DDX25: variants seen among roughly 807,000 people sequenced by gnomAD.
DDX25 encodes DEAD-box helicase 25.
Under a neutral mutation model 64.6 loss-of-function variants are expected in DDX25, and 70 were observed. The observed-to-expected ratio is 1.08, with a 90% CI of 0.89 to 1.32. The LOEUF (loss-of-function observed/expected upper bound fraction) is 1.32, where lower values mean the gene tolerates loss of function less well. Ranked by LOEUF, DDX25 falls within the 40% of genes most tolerant of loss-of-function variation. The probability of loss-of-function intolerance (pLI) is 0.00; values close to 1 mark genes in which losing one functional copy is unlikely to be tolerated. For synonymous variants in DDX25, 211 were observed against 213.3 expected (o/e 0.99, Z 0.09); for missense variants, 587 against 604.4 (o/e 0.97, Z 0.30).
intron 7 of DDX25, among the ~76,000 whole-genome samples, chr11:125,910,889 G>A (rs948398745): frequency 6.7e-6 from 1 of 148,766 alleles, no homozygotes; most frequent in African/African-American, 2.5e-5. Flanking sequence ...AGATCACATA[G>A]TAAACAGGCA....
chr11:125,912,124 T>C (rs1255947747), intron 8 of DDX25, among the ~76,000 whole-genome samples: 1 of 152,220 alleles, frequency 6.6e-6, no homozygotes, highest in African/African-American at 2.4e-5. Context: ...CAGTAACCCC[T>C]TGCTCCAACC....
intron 8 of DDX25, 120 bp from the exon 9 acceptor site, chr11:125,916,894 T>G (rs960043932): frequency 6.0e-5 from 56 of 937,276 alleles, no homozygotes; most frequent in Non-Finnish European, 8.6e-5. Flanking sequence ...AGCTGGTCAT[T>G]GCAGGCAGCA....
At chr11:125,904,675 G>C in intron 1 of DDX25, 95 bp downstream of exon 1, 2 of 1,337,942 alleles carry the variant, frequency 1.5e-6, no homozygotes, top group South Asian at 2.8e-5. Context: ...GCCCGCGAGC[G>C]TTCGAAGTGG....
At position 125,907,376 on chromosome 11, in the gene DDX25, A is replaced by G. The variant is rs184056076; in HGVS notation, c.312-820A>G. On this transcript the variant is annotated intron_variant, in intron 4 of 11. Coordinates refer to ENST00000263576, the MANE Select transcript of DDX25 (RefSeq NM_013264.5). ...GTAATCCCAGCACTTTGGGAGGCCA[A>G]GGGGGGCGGATCACGAGGTCAGGAG... Among the ~76,000 whole-genome samples, 226 of 152,226 alleles carry G rather than the reference A, an allele frequency of 1.5e-3. 1 individual carries two copies. The highest frequency in any genetic ancestry group is 5.3e-3 in the African/African-American group (221 of 41,552).
chr11:125,904,115 C>T (rs928956563), upstream of DDX25, among the ~76,000 whole-genome samples: 1 of 152,234 alleles, frequency 6.6e-6, no homozygotes, highest in Non-Finnish European at 1.5e-5. Flanking sequence ...GCGGAAATTT[C>T]CAGGGAAACC....
intron 7 of DDX25, among the ~76,000 whole-genome samples, 191 bp downstream of exon 7, chr11:125,910,669 A>C (rs1041241134): frequency 1.3e-5 from 2 of 152,188 alleles, no homozygotes; most frequent in Admixed American, 1.3e-4. Context: ...CGTAGTAAGG[A>C]CCCACTAAAT....
At position 125,906,183 on chromosome 11, in the gene DDX25, A is replaced by G. The variant is rs1217276493; in HGVS notation, c.285A>G (p.Ser95=). The G allele has an allele frequency of 4.5e-6, 7 of 1,545,962 alleles. No individual in the cohort carries two copies. The highest frequency in any genetic ancestry group is 2.8e-5 in the African/African-American group (2 of 72,714). Residue 95 remains serine, a synonymous_variant, in exon 4 of 12, where the codon TCA becomes TCG. Coordinates refer to ENST00000263576, the MANE Select transcript of DDX25 (RefSeq NM_013264.5). The stretch of plus-strand genomic sequence containing the variant: ...AGGATCCCAGCTCTCCACTTTACTC[A>G]GTAAAGACATTTGAAGAGCTGCGGC... ...LQKDPSSPLY[S]VKTFEELRLK...
At chr11:125,916,896 C>A (rs1945044713) in intron 8 of DDX25, 118 bp from the exon 9 acceptor site, 14 of 950,842 alleles carry the variant, frequency 1.5e-5, no homozygotes, top group Non-Finnish European at 2.1e-5. Context: ...CTGGTCATTG[C>A]AGGCAGCACC....
rs750968975 is a variant in DDX25 at position 125,918,830 on chromosome 11, A to G, written c.1201+40A>G. 35 of 1,523,546 alleles carry G rather than the reference A, an allele frequency of 2.3e-5. 1 individual carries two copies. In the Admixed American group the frequency reaches 4.1e-4, roughly 18 times the overall value. 94.4% of individuals were successfully genotyped at this position (1,523,546 alleles called of 1,614,324 possible). A position where few individuals can be genotyped will look rare whatever the true frequency, so the allele number is the denominator to read the frequency against. On this transcript the variant is annotated intron_variant, in intron 10 of 11. Coordinates refer to ENST00000263576, the MANE Select transcript of DDX25 (RefSeq NM_013264.5). ...TCAGGTCTTGAGTTCTAATTTGCATATGATAAAATGCATTCCTTTTAAGTG... is the reference window on the plus strand; with the variant it reads ...TCAGGTCTTGAGTTCTAATTTGCATGTGATAAAATGCATTCCTTTTAAGTG...
At chr11:125,910,965 A>G (rs529916148) in intron 7 of DDX25, among the ~76,000 whole-genome samples, 2 of 149,712 alleles carry the variant, frequency 1.3e-5, no homozygotes, top group South Asian at 4.2e-4. Context: ...CCATATTTAT[A>G]TTTGTTTTCA....
Position 125,923,921 on chromosome 11 carries a change from CAT to C in DDX25, c.*1041_*1042del, listed in dbSNP as rs1945143936. The C allele has an allele frequency of 6.6e-6, 1 of 152,160 alleles. No individual in the cohort carries two copies. The highest frequency in any genetic ancestry group is 1.5e-5 in the Non-Finnish European group (1 of 68,052). The allele number at this position is 152,160 out of a possible 1,614,324, so 9.4% of individuals were successfully genotyped here. On this transcript the variant is annotated 3_prime_UTR_variant, in exon 12 of 12. Coordinates refer to ENST00000263576, the MANE Select transcript of DDX25 (RefSeq NM_013264.5). ...CATATCTATTTTGATATCCCTCTTC[CAT>C]GTCACCCTGCCCATGTTTTCTCCCG... is the stretch of plus-strand genomic sequence containing the variant.
chr11:125,911,493 T>C lies in DDX25; in HGVS notation c.800+5T>C, dbSNP rs1363722786. 1.9e-6 allele frequency: 3 copies of C among 1,612,532 alleles called. No homozygotes were observed. The highest frequency in any genetic ancestry group is 2.5e-6 in the Non-Finnish European group (3 of 1,179,162). On this transcript the variant is annotated splice_donor_5th_base_variant and intron_variant, in intron 8 of 11. Coordinates refer to ENST00000263576, the MANE Select transcript of DDX25 (RefSeq NM_013264.5). ...TCATAGTATTCGTATTCAAAGGTAA[T>C]CTTCAGAGTCTTCCTCTCTTCCTCA...
At position 125,924,495 on chromosome 11, in the gene DDX25, C is replaced by T. The variant is rs184999077; in HGVS notation, c.*1614C>T. On this transcript the variant is annotated 3_prime_UTR_variant, in exon 12 of 12. Coordinates refer to ENST00000263576, the MANE Select transcript of DDX25 (RefSeq NM_013264.5). The stretch of plus-strand genomic sequence containing the variant: ...GGGACCCTAACACCATCTAGGCTGG[C>T]TCCCAGAGGAGAGGACACTCAGGAT... 3 of 152,406 alleles carry T rather than the reference C, an allele frequency of 2.0e-5. No individual in the cohort carries two copies. In the East Asian group the frequency reaches 5.8e-4, roughly 29 times the overall value. 9.4% of individuals were successfully genotyped at this position (152,406 alleles called of 1,614,324 possible). A position where few individuals can be genotyped will look rare whatever the true frequency, so the allele number is the denominator to read the frequency against.
chr11:125,917,735 A>G (rs1368070620), intron 9 of DDX25, among the ~76,000 whole-genome samples: 1 of 152,220 alleles, frequency 6.6e-6, no homozygotes, highest in African/African-American at 2.4e-5. Flanking sequence ...ACCAGCACCT[A>G]TCTGGCACAT....
At chr11:125,905,669 A>G in intron 3 of DDX25, 72 bp downstream of exon 3, 1 of 1,419,198 alleles carries the variant, frequency 7.0e-7, no homozygotes, top group Non-Finnish European at 9.7e-7. Context: ...AGTGTGAGTG[A>G]ATAATATAAT....
intron 8 of DDX25, among the ~76,000 whole-genome samples, chr11:125,915,207 A>G (rs959439019): frequency 1.3e-5 from 2 of 152,206 alleles, no homozygotes; most frequent in African/African-American, 4.8e-5. Flanking sequence ...TCAGCCGTCC[A>G]TTGTTATAGT....
chr11:125,911,591 C>G, intron 8 of DDX25, 103 bp downstream of exon 8: 1 of 1,162,792 alleles, frequency 8.6e-7, no homozygotes, highest in Non-Finnish European at 1.2e-6. Context: ...TCCTCACCAC[C>G]TTCACCTCTA....
chr11:125,906,237 G>A (rs926271369), intron 4 of DDX25, 28 bp downstream of exon 4: 9 of 1,515,208 alleles, frequency 5.9e-6, no homozygotes, highest in Non-Finnish European at 7.9e-6. Flanking sequence ...TTTAATATGG[G>A]AAAAATGCTG....
At chr11:125,918,511 GCTCAA>G in intron 9 of DDX25, 112 bp from the exon 10 acceptor site, 2 of 1,357,946 alleles carry the variant, frequency 1.5e-6, no homozygotes. Flanking sequence ...GAGAGGTGAA[GCTCAA>G]CTCCTCTGCA....
Sources: allele counts gnomAD v4.1 joint callset (sites outside exome capture counted in the v4.1 genomes callset), GRCh38; gene constraint gnomAD v4.1.1; transcripts MANE v1.5; gene names NCBI Gene and HGNC (gene_info 2026-07-23, HGNC 2026-07-21).